Variants in DOCK1 observed in about 807,000 individuals in gnomAD.
DOCK1 encodes the protein dedicator of cytokinesis protein 1.
DOCK1 carries 138 observed loss-of-function variants against 262.7 expected under a neutral mutation model. That is an observed-to-expected ratio of 0.53 (90% CI 0.46 to 0.61). The LOEUF (loss-of-function observed/expected upper bound fraction) is 0.61. Ranked by LOEUF, DOCK1 falls within the 20% of genes least tolerant of loss-of-function variation. The pLI, the probability that DOCK1 is intolerant of heterozygous loss-of-function variation, is 0.00. For synonymous variants in DOCK1, 866 were observed against 867.4 expected, an observed-to-expected ratio of 1.00 and a Z score of 0.03; for missense variants, 1,908 against 2,370.7, an observed-to-expected ratio of 0.80 and a Z score of 4.05.
chr10:127,079,531 T>TA (rs35290110), intron 23 of DOCK1, among the ~76,000 whole-genome samples: 21,919 of 152,166 alleles, frequency 0.14, 1,750 homozygotes, highest in African/African-American at 0.21. Context: ...GACAGACTAA[T>TA]AAAAAAATCT....
At chr10:127,153,805 T>C (rs775901448) in intron 27 of DOCK1, 1 of 1,423,934 alleles carries the variant, frequency 7.0e-7, no homozygotes, top group Non-Finnish European at 9.9e-7. Context: ...GTAAACATCA[T>C]TTGTCACTCA....
chr10:127,063,472 A>T (rs1050044212), intron 23 of DOCK1, among the ~76,000 whole-genome samples: 2 of 149,800 alleles, frequency 1.3e-5, no homozygotes, highest in African/African-American at 4.9e-5. Context: ...CGATTTCTTG[A>T]TTTTTTTTTT....
At chr10:127,064,058 C>T (rs1370037463) in intron 23 of DOCK1, among the ~76,000 whole-genome samples, 1 of 152,212 alleles carries the variant, frequency 6.6e-6, no homozygotes, top group Non-Finnish European at 1.5e-5. Context: ...TTAACTCTTT[C>T]AGTTTTGCTG....
At chr10:126,906,051 C>G (rs2030730606) in intron 1 of DOCK1, among the ~76,000 whole-genome samples, 1 of 152,058 alleles carries the variant, frequency 6.6e-6, no homozygotes, top group Non-Finnish European at 1.5e-5. Flanking sequence ...GCGGATAATT[C>G]CGCCCTTTCC....
chr10:126,965,350 A>C (rs1231587648), intron 1 of DOCK1, among the ~76,000 whole-genome samples: 1 of 152,028 alleles, frequency 6.6e-6, no homozygotes, highest in African/African-American at 2.4e-5. Flanking sequence ...GAGGAGGGTG[A>C]GGGGGCTGAG....
intron 31 of DOCK1, among the ~76,000 whole-genome samples, chr10:127,348,656 G>A (rs1467070024): frequency 6.6e-6 from 1 of 152,020 alleles, no homozygotes; most frequent in Non-Finnish European, 1.5e-5. Flanking sequence ...GGTTGTTTTT[G>A]TTTTTGTTTT....
At chr10:127,035,662 G>A (rs1042260649) in intron 18 of DOCK1, among the ~76,000 whole-genome samples, 1 of 152,286 alleles carries the variant, frequency 6.6e-6, no homozygotes, top group South Asian at 2.1e-4. Flanking sequence ...CTAGGACCAA[G>A]AGTGTGTCTG....
intron 40 of DOCK1, among the ~76,000 whole-genome samples, chr10:127,405,786 G>A (rs56305430): frequency 0.17 from 25,543 of 149,160 alleles, 2,558 homozygotes; most frequent in East Asian, 0.36. Context: ...TGGTGACGGA[G>A]GCGTCTGGCC....
At chr10:126,970,520 T>C (rs905138878) in intron 1 of DOCK1, among the ~76,000 whole-genome samples, 182 bp from the exon 2 acceptor site, 4 of 152,212 alleles carry the variant, frequency 2.6e-5, no homozygotes, top group African/African-American at 9.6e-5. Flanking sequence ...CCTTAAACTA[T>C]TGACCCTTTA....
At position 127,175,206 on chromosome 10, in the gene DOCK1, A is replaced by G. The variant is rs1219380711; in HGVS notation, c.2847+47442A>G. The G allele has an allele frequency of 6.2e-7, 1 of 1,605,924 alleles. No homozygotes were observed. The highest frequency in any genetic ancestry group is 8.5e-7 in the Non-Finnish European group (1 of 1,175,650). ...AGCTTCCTAAGACATGGGTGAACAT[A>G]CATACCCTTCCCGATGGGCCTCTCC... On this transcript the variant is annotated intron_variant, in intron 27 of 51. Transcript: ENST00000623213. This position sits in a 1 kb window ranked among gnomAD's most constrained non-coding sequence, Gnocchi z 6.3.
At chr10:126,981,131 A>G (rs952502490) in intron 3 of DOCK1, among the ~76,000 whole-genome samples, 5 of 151,990 alleles carry the variant, frequency 3.3e-5, no homozygotes, top group Admixed American at 3.3e-4. Flanking sequence ...TATTTTTAGT[A>G]GAGATGGGGT....
rs549681618 is a variant in DOCK1, at chr10:127,257,156, C to T, written c.2950-179C>T. Among the ~76,000 whole-genome samples, 46 of 152,258 alleles carry T rather than the reference C, an allele frequency of 3.0e-4. 1 individual carries two copies. In the South Asian group the frequency reaches 8.7e-3, roughly 29 times the overall value. On this transcript the variant is annotated intron_variant, in intron 28 of 51. Transcript: ENST00000623213. ...AAGAAGCCGTCTCAGACAGGAGGTG[C>T]TCAGGTAAACAGAAAGACAGGTCTA...
chr10:127,085,966 C>T (rs1323752210), intron 23 of DOCK1, among the ~76,000 whole-genome samples: 1 of 152,160 alleles, frequency 6.6e-6, no homozygotes. Flanking sequence ...GGTACTGTGC[C>T]TTTTTAAAGC....
chr10:127,108,856 G>A (rs111257099), intron 24 of DOCK1, among the ~76,000 whole-genome samples: 71 of 152,226 alleles, frequency 4.7e-4, no homozygotes, highest in African/African-American at 1.3e-3. Context: ...ATTGTTAGCC[G>A]AATTTTATCC....
chr10:127,417,348 G>A (rs555732827), intron 44 of DOCK1, among the ~76,000 whole-genome samples: 318 of 152,328 alleles, frequency 2.1e-3, no homozygotes, highest in African/African-American at 6.4e-3. Flanking sequence ...CTGAGCTGGA[G>A]GGCACTGGGC....
Position 127,256,911 on chromosome 10 carries a change from C to T in DOCK1, c.2950-424C>T, listed in dbSNP as rs11814575. Among the ~76,000 whole-genome samples the T allele has an allele frequency of 5.3e-3, 801 of 152,334 alleles. 8 individuals are homozygous for T. The highest frequency in any genetic ancestry group is 0.018 in the African/African-American group (750 of 41,578). On this transcript the variant is annotated intron_variant, in intron 28 of 51. Coordinates refer to ENST00000623213, the MANE Select transcript of DOCK1 (RefSeq NM_001290223.2). ...TTTGAAATTCCGTAAGAGAAAGGAA[C>T]AGACAGTAGTATCCCGTATTCAATC...
At chr10:127,179,922 T>C (rs1299835638) in intron 27 of DOCK1, among the ~76,000 whole-genome samples, 1 of 152,220 alleles carries the variant, frequency 6.6e-6, no homozygotes, top group Admixed American at 6.5e-5. Context: ...ATCCTCATCA[T>C]ATCCTTACAA....
intron 27 of DOCK1, among the ~76,000 whole-genome samples, chr10:127,131,310 G>T (rs2050311206): frequency 6.6e-6 from 1 of 152,080 alleles, no homozygotes; most frequent in African/African-American, 2.4e-5. Flanking sequence ...CCTCAAAGTG[G>T]GAAGAGGAGA....
Position 127,012,756 on chromosome 10 carries a change from C to T in DOCK1, c.1201+382C>T, listed in dbSNP as rs1031853560. On this transcript the variant is annotated intron_variant, in intron 12 of 51. Transcript: ENST00000623213. The surrounding 1 kb of genome is among the most constrained non-coding windows in gnomAD (Gnocchi z 4.0). The stretch of plus-strand genomic sequence containing the variant: ...TTGTGCAGACTTGCTCCCCTGAGTT[C>T]TGTCATTTAAGTGATTTCTCCGCCC... Among the ~76,000 whole-genome samples, 1 of 151,862 alleles carries T rather than the reference C, an allele frequency of 6.6e-6. No homozygotes were observed. The highest frequency in any genetic ancestry group is 2.1e-4 in the South Asian group (1 of 4,812).
Sources: gnomAD v4.1 joint callset for allele counts (sites outside exome capture counted in the v4.1 genomes callset) on GRCh38, gnomAD v4.1.1 for gene constraint, Gnocchi (gnomAD v3.1) non-coding constraint, MANE v1.5 for transcripts, NCBI Gene and HGNC (gene_info 2026-07-23, HGNC 2026-07-21) for gene names.